The following NECAB1 variants were observed in gnomAD, a reference collection of about 807,000 sequenced individuals.
NECAB1 encodes the protein N-terminal EF-hand calcium-binding protein 1.
NECAB1 carries 29 observed loss-of-function variants against 57.5 expected under a neutral mutation model. The ratio of observed to expected loss-of-function variants is 0.50; its 90% CI spans 0.38 to 0.69. NECAB1 has a LOEUF of 0.69. Among genes scored for constraint, NECAB1 ranks in the 30% least tolerant of loss-of-function variants. NECAB1 has a pLI of 0.00. For synonymous variants in NECAB1, 142 were observed against 147.7 expected (o/e 0.96, Z 0.28); for missense variants, 372 against 413.8 (o/e 0.90, Z 0.88).
intron 3 of NECAB1, among the ~76,000 whole-genome samples, chr8:90,867,760 C>T (rs1808547071): frequency 6.6e-6 from 1 of 152,156 alleles, no homozygotes; most frequent in Admixed American, 6.5e-5. Flanking sequence ...AATAGAAGTT[C>T]AAATATTTCT....
chr8:90,808,453 T>C (rs1257243224), intron 2 of NECAB1, among the ~76,000 whole-genome samples: 8 of 152,138 alleles, frequency 5.3e-5, no homozygotes, highest in African/African-American at 1.7e-4. Flanking sequence ...TTCCACTTAC[T>C]GTGCAATTTG....
chr8:90,835,392 C>G (rs1504790), intron 3 of NECAB1, among the ~76,000 whole-genome samples: 47,394 of 151,828 alleles, frequency 0.31, 8,504 homozygotes, highest in East Asian at 0.73. Flanking sequence ...TCAGACTTGC[C>G]AGGCTTGGGC....
At chr8:90,856,032 G>A (rs1812787227) in intron 3 of NECAB1, among the ~76,000 whole-genome samples, 1 of 152,074 alleles carries the variant, frequency 6.6e-6, no homozygotes, top group Non-Finnish European at 1.5e-5. Context: ...TGTTACTTAG[G>A]ATGCACATTC....
chr8:90,852,196 T>G (rs1260419025), intron 3 of NECAB1, among the ~76,000 whole-genome samples: 2 of 152,194 alleles, frequency 1.3e-5, no homozygotes, highest in East Asian at 3.8e-4. Flanking sequence ...GGGTGCAAGC[T>G]AACATCTGCA....
At chr8:90,896,826 T>C (rs1304105473) in intron 5 of NECAB1, among the ~76,000 whole-genome samples, 1 of 152,122 alleles carries the variant, frequency 6.6e-6, no homozygotes, top group African/African-American at 2.4e-5. Flanking sequence ...CCACCCTAAC[T>C]CATTCTGATT....
chr8:90,925,882 A>G (rs539728126), intron 7 of NECAB1, among the ~76,000 whole-genome samples: 70 of 152,266 alleles, frequency 4.6e-4, no homozygotes, highest in African/African-American at 1.7e-3. Context: ...AAGCACACAG[A>G]GAGATGGTGA....
chr8:90,835,623 A>G (rs930470537), intron 3 of NECAB1, among the ~76,000 whole-genome samples: 1 of 152,090 alleles, frequency 6.6e-6, no homozygotes, highest in African/African-American at 2.4e-5. Flanking sequence ...CTTTCTCCAA[A>G]TTTCTGTAAT....
chr8:90,872,263 A>G (rs1015896115), intron 4 of NECAB1, 110 bp downstream of exon 4: 1 of 881,652 alleles, frequency 1.1e-6, no homozygotes, highest in African/African-American at 1.8e-5. Flanking sequence ...AGGAGTTCAC[A>G]AAGGAAAAAT....
chr8:90,884,722 G>A (rs367958973), intron 5 of NECAB1, among the ~76,000 whole-genome samples: 102 of 152,240 alleles, frequency 6.7e-4, no homozygotes, highest in African/African-American at 2.4e-3. Flanking sequence ...TTTTTAAACC[G>A]TTTATTTGAC....
chr8:90,803,401 G>A, intron 2 of NECAB1, among the ~76,000 whole-genome samples: 1 of 152,008 alleles, frequency 6.6e-6, no homozygotes, highest in East Asian at 1.9e-4. Flanking sequence ...CAAGCTCCTA[G>A]TTTTCTCAGG....
At chr8:90,817,619 G>A (rs2129689300) in intron 2 of NECAB1, among the ~76,000 whole-genome samples, 1 of 151,654 alleles carries the variant, frequency 6.6e-6, no homozygotes, top group Non-Finnish European at 1.5e-5. Flanking sequence ...TACATTGATT[G>A]ATTCTTAAAT....
At chr8:90,861,839 G>A (rs2129812273) in intron 3 of NECAB1, among the ~76,000 whole-genome samples, 1 of 152,262 alleles carries the variant, frequency 6.6e-6, no homozygotes, top group South Asian at 2.1e-4. Context: ...CAGATCTCTT[G>A]ATTCTCTGCC....
At chr8:90,911,622 G>C (rs947465894) in intron 5 of NECAB1, among the ~76,000 whole-genome samples, 1 of 152,096 alleles carries the variant, frequency 6.6e-6, no homozygotes, top group African/African-American at 2.4e-5. Context: ...TTTTGAATAA[G>C]CAAGGTAGCA....
At chr8:90,827,155 T>G (rs1185827402) in intron 3 of NECAB1, among the ~76,000 whole-genome samples, 1 of 152,030 alleles carries the variant, frequency 6.6e-6, no homozygotes, top group East Asian at 1.9e-4. Context: ...TTTAATTATT[T>G]TAACAAATGC....
At chr8:90,953,295 A>G (rs192385961) in intron 12 of NECAB1, among the ~76,000 whole-genome samples, 4 of 152,320 alleles carry the variant, frequency 2.6e-5, no homozygotes, top group Admixed American at 2.6e-4. Context: ...TTCTGACCCA[A>G]CTTTATCATT....
chr8:90,920,895 G>T (rs1178165689), intron 6 of NECAB1, among the ~76,000 whole-genome samples: 1 of 152,200 alleles, frequency 6.6e-6, no homozygotes, highest in South Asian at 2.1e-4. Flanking sequence ...TAGGTGAAAG[G>T]AGTGCTACAC....
At chr8:90,945,955 C>CT (rs1398021990) in intron 10 of NECAB1, among the ~76,000 whole-genome samples, 2 of 152,182 alleles carry the variant, frequency 1.3e-5, no homozygotes, top group Non-Finnish European at 2.9e-5. Flanking sequence ...AGAAACAAAT[C>CT]ACAGGTGTGT....
intron 6 of NECAB1, among the ~76,000 whole-genome samples, chr8:90,924,987 A>T (rs1810224486): frequency 6.6e-6 from 1 of 151,710 alleles, no homozygotes; most frequent in South Asian, 2.1e-4. Context: ...ATATATTTTA[A>T]CATATGCTAC....
chr8:90,829,138 A>G (rs1252468627), intron 3 of NECAB1, among the ~76,000 whole-genome samples: 15 of 152,082 alleles, frequency 9.9e-5, no homozygotes. Context: ...CAACTTTTAT[A>G]AAGTTACTCT....
Sources: gnomAD v4.1 joint callset for allele counts (sites outside exome capture counted in the v4.1 genomes callset) on GRCh38, gnomAD v4.1.1 for gene constraint, MANE v1.5 for transcripts, NCBI Gene and HGNC (gene_info 2026-07-23, HGNC 2026-07-21) for gene names.